The following VPS35L variants were observed in gnomAD, a reference collection of about 807,000 sequenced individuals.
VPS35L encodes VPS35 endosomal protein sorting factor like, also known as VPS35 endosomal protein-sorting factor-like.
In VPS35L, 83 loss-of-function variants were observed where a neutral mutation model predicts 133.0. The observed-to-expected ratio is 0.62, with a 90% CI of 0.52 to 0.75. VPS35L has a LOEUF of 0.75. VPS35L is among the 30% of genes least tolerant of loss of function. VPS35L has a pLI of 0.00. For synonymous variants in VPS35L, 423 were observed against 449.9 expected (o/e 0.94, Z 0.76); for missense variants, 1,083 against 1,206.8 (o/e 0.90, Z 1.52).
intron 28 of VPS35L, among the ~76,000 whole-genome samples, chr16:19,686,012 C>T (rs1023540803): frequency 6.6e-6 from 1 of 152,124 alleles, no homozygotes; most frequent in East Asian, 1.9e-4. Flanking sequence ...GCAGAGGGAG[C>T]GAGGCTATAT....
intron 12 of VPS35L, among the ~76,000 whole-genome samples, chr16:19,614,224 C>T (rs547418100): frequency 1.9e-4 from 29 of 152,292 alleles, no homozygotes; most frequent in Non-Finnish European, 3.5e-4. Context: ...TCTGATATTT[C>T]TTGTTAGCAT....
intron 8 of VPS35L, among the ~76,000 whole-genome samples, chr16:19,593,261 C>G (rs973780224): frequency 6.6e-5 from 10 of 152,132 alleles, no homozygotes; most frequent in African/African-American, 2.4e-4. Flanking sequence ...CAGCAAGGCA[C>G]CCCACCAGAA....
At chr16:19,594,063 C>T (rs1972126499) in intron 8 of VPS35L, among the ~76,000 whole-genome samples, 1 of 152,172 alleles carries the variant, frequency 6.6e-6, no homozygotes, top group African/African-American at 2.4e-5. Flanking sequence ...AGCATTCCCA[C>T]AGAAGTTTCA....
At chr16:19,595,254 G>A (rs1357166549) in intron 8 of VPS35L, among the ~76,000 whole-genome samples, 3 of 152,274 alleles carry the variant, frequency 2.0e-5, no homozygotes, top group South Asian at 2.1e-4. Context: ...ACTGTAGGGC[G>A]GGGGTAGAGC....
chr16:19,650,464 G>A lies in VPS35L; in HGVS notation c.2106+5G>A. ...AAGACAGCTGCATTTGTCCGGGTAT[G>A]TTCTTAAGATAAGGACTGTTGGACC... On this transcript the variant is annotated splice_donor_5th_base_variant and intron_variant, in intron 25 of 30. Coordinates refer to ENST00000417362, the MANE Select transcript of VPS35L (RefSeq NM_020314.7). 6.2e-7 allele frequency: 1 copy of A among 1,611,590 alleles called. No homozygotes were observed. Among genetic ancestry groups the A allele is most frequent in the Middle Eastern group, 1.7e-4 (1 of 6,056 alleles).
rs369376797 is a variant in VPS35L at position 19,610,934 on chromosome 16, C to T, written c.1023+519C>T. Among the ~76,000 whole-genome samples the T allele has an allele frequency of 7.2e-5, 11 of 152,204 alleles. No individual in the cohort carries two copies. In the East Asian group the frequency reaches 1.4e-3, roughly 19 times the overall value. On this transcript the variant is annotated intron_variant, in intron 12 of 30. Coordinates refer to ENST00000417362, the MANE Select transcript of VPS35L (RefSeq NM_020314.7). The stretch of plus-strand genomic sequence containing the variant: ...TTGCCCATGCCCTGCTTTAAAGCAC[C>T]GTGAGGCTTCAGCTAAGCTATTAAG...
At position 19,647,889 on chromosome 16, in the gene VPS35L, AT is replaced by A. The variant is rs1186086042; in HGVS notation, c.2028+11del. 3 of 1,587,488 alleles carry A rather than the reference AT, an allele frequency of 1.9e-6. No homozygotes were observed. The highest frequency in any genetic ancestry group is 2.6e-6 in the Non-Finnish European group (3 of 1,156,020). ...TCTTGTGCAGTTGATTCATGTAAGT[AT>A]TTTCATTCATTAGTTTCTTCTCTCA... is the stretch of plus-strand genomic sequence containing the variant. On this transcript the variant is annotated splice_region_variant and intron_variant, in intron 24 of 30. Coordinates refer to ENST00000417362, the MANE Select transcript of VPS35L (RefSeq NM_020314.7).
intron 7 of VPS35L, among the ~76,000 whole-genome samples, chr16:19,588,729 A>G (rs1464109777): frequency 6.6e-6 from 1 of 151,154 alleles, no homozygotes; most frequent in Non-Finnish European, 1.5e-5. Context: ...CACTACATGG[A>G]CAATGTCACT....
chr16:19,622,996 G>A (rs1309266525), intron 14 of VPS35L, among the ~76,000 whole-genome samples: 2 of 152,100 alleles, frequency 1.3e-5, no homozygotes, highest in African/African-American at 4.8e-5. Flanking sequence ...GCAAGGTGGG[G>A]GCAACCATTC....
At chr16:19,664,831 C>T (rs1396336194) in intron 26 of VPS35L, among the ~76,000 whole-genome samples, 2 of 150,784 alleles carry the variant, frequency 1.3e-5, no homozygotes, top group Non-Finnish European at 3.0e-5. Flanking sequence ...ACCCGGGAGG[C>T]GGAGGCTGCA....
At chr16:19,594,644 C>CAAAA (rs57187565) in intron 8 of VPS35L, among the ~76,000 whole-genome samples, 3,532 of 31,460 alleles carry the variant, frequency 0.11, 588 homozygotes, top group Non-Finnish European at 0.18. Flanking sequence ...GATTTCGTCT[C>CAAAA]AAAAAAAAAA....
chr16:19,632,742 C>G (rs1973496252), intron 18 of VPS35L, among the ~76,000 whole-genome samples: 1 of 152,366 alleles, frequency 6.6e-6, no homozygotes, highest in Middle Eastern at 3.4e-3. Flanking sequence ...AGCCTGCAGT[C>G]TTCCGCAGTG....
chr16:19,564,164 C>T (rs1053004025), intron 1 of VPS35L, among the ~76,000 whole-genome samples: 21 of 152,012 alleles, frequency 1.4e-4, no homozygotes, highest in African/African-American at 4.8e-4. Flanking sequence ...CTGCAACCTC[C>T]GCCTCCTGGT....
intron 27 of VPS35L, among the ~76,000 whole-genome samples, chr16:19,679,456 A>C: frequency 6.9e-6 from 1 of 144,932 alleles, no homozygotes; most frequent in African/African-American, 2.5e-5. Context: ...TATGTTGCCC[A>C]GGTTAAGAAC....
At chr16:19,602,877 T>C (rs1157381837) in intron 9 of VPS35L, among the ~76,000 whole-genome samples, 2 of 152,072 alleles carry the variant, frequency 1.3e-5, no homozygotes, top group Non-Finnish European at 2.9e-5. Flanking sequence ...GTGCTGGGAT[T>C]ATAGGCATGA....
chr16:19,582,643 G>A (rs1021223373), intron 7 of VPS35L, among the ~76,000 whole-genome samples: 2 of 152,144 alleles, frequency 1.3e-5, no homozygotes, highest in African/African-American at 4.8e-5. Flanking sequence ...TGAGTGTCTC[G>A]AGTGAGAAAC....
chr16:19,630,419 C>T (rs919674860), intron 18 of VPS35L, among the ~76,000 whole-genome samples: 1 of 150,550 alleles, frequency 6.6e-6, no homozygotes, highest in East Asian at 2.0e-4. Context: ...CTGCAAGCTC[C>T]GCCTCCCGGG....
chr16:19,559,490 AAAAAG>A (rs1172530589), intron 1 of VPS35L, among the ~76,000 whole-genome samples: 1 of 152,200 alleles, frequency 6.6e-6, no homozygotes, highest in African/African-American at 2.4e-5. Context: ...CTATGTTAGC[AAAAAG>A]AAAAGGAATG....
intron 28 of VPS35L, among the ~76,000 whole-genome samples, chr16:19,688,663 G>A (rs1463235137): frequency 6.6e-6 from 1 of 152,146 alleles, no homozygotes; most frequent in Non-Finnish European, 1.5e-5. Flanking sequence ...TTTAGCCTGG[G>A]GGTTCAGATG....
Sources: allele counts gnomAD v4.1 joint callset (sites outside exome capture counted in the v4.1 genomes callset), GRCh38; gene constraint gnomAD v4.1.1; transcripts MANE v1.5; gene names NCBI Gene and HGNC (gene_info 2026-07-23, HGNC 2026-07-21).